Variants in RAD51B observed in about 807,000 individuals in gnomAD.
The protein encoded by RAD51B is DNA repair protein RAD51 homolog 2.
A neutral mutation model predicts 42.2 loss-of-function variants in RAD51B; 38 were observed. The observed-to-expected ratio is 0.90, with a 90% CI of 0.70 to 1.18. The LOEUF (loss-of-function observed/expected upper bound fraction) is 1.18. RAD51B is among the 50% of genes most tolerant of loss of function. RAD51B has a pLI of 0.00. For synonymous variants in RAD51B, 154 were observed against 145.2 expected, an observed-to-expected ratio of 1.06 and a Z score of -0.43; for missense variants, 373 against 400.7, an observed-to-expected ratio of 0.93 and a Z score of 0.59.
At chr14:68,121,392 G>T (rs984960396) in intron 7 of RAD51B, among the ~76,000 whole-genome samples, 3 of 152,110 alleles carry the variant, frequency 2.0e-5, no homozygotes, top group African/African-American at 7.2e-5. Flanking sequence ...TCTAAGAGGC[G>T]TTATTCCTCC....
intron 4 of RAD51B, among the ~76,000 whole-genome samples, chr14:67,847,050 A>G (rs757359098): frequency 3.9e-5 from 6 of 152,090 alleles, no homozygotes; most frequent in South Asian, 2.1e-4. Flanking sequence ...CCCCTTCCTC[A>G]GGAGTCCTTG....
rs73290271 is a variant in RAD51B at position 68,286,484 on chromosome 14, G to T, written c.757-5400G>T. 8.1e-3 allele frequency among the ~76,000 whole-genome samples: 1,230 copies of T among 152,138 alleles called. 15 individuals carry two copies. Among genetic ancestry groups the T allele is most frequent in the African/African-American group, 0.029 (1,191 of 41,488 alleles). ...GCTGACCACAAACTCCCTCTTCTTT[G>T]TCCCCCACCAAAAGTCAGGTAAAAT... On this transcript the variant is annotated intron_variant, in intron 7 of 10. Transcript: ENST00000471583.
At chr14:68,522,919 C>T (rs1046656078) in intron 10 of RAD51B, among the ~76,000 whole-genome samples, 5 of 152,216 alleles carry the variant, frequency 3.3e-5, no homozygotes, top group Admixed American at 1.3e-4. Flanking sequence ...ACAACCTCTG[C>T]ATCAGCTGTG....
chr14:68,558,993 A>C lies in RAD51B; in HGVS notation c.1037-35492A>C, dbSNP rs554451438. Among the ~76,000 whole-genome samples, 4 of 152,014 alleles carry C rather than the reference A, an allele frequency of 2.6e-5. No homozygotes were observed. The East Asian group carries it at 7.7e-4, about 29-fold the overall frequency. On this transcript the variant is annotated intron_variant, in intron 10 of 10. Transcript: ENST00000487270. The stretch of plus-strand genomic sequence containing the variant: ...TAGTGTCATATACACACAAATACCT[A>C]TATATTTACATGTATATATATATAA...
At chr14:68,566,519 C>G (rs1889427534) in intron 10 of RAD51B, among the ~76,000 whole-genome samples, 1 of 152,168 alleles carries the variant, frequency 6.6e-6, no homozygotes, top group Admixed American at 6.6e-5. Flanking sequence ...AAATGGTGAC[C>G]TTGATCCAAC....
chr14:68,589,820 T>C (rs545176180), intron 10 of RAD51B, among the ~76,000 whole-genome samples: 4 of 152,232 alleles, frequency 2.6e-5, no homozygotes, highest in Non-Finnish European at 5.9e-5. Flanking sequence ...ATTTTCTTTC[T>C]AATGGTTACA....
At chr14:67,912,871 A>C (rs2044032487) in intron 7 of RAD51B, among the ~76,000 whole-genome samples, 1 of 151,914 alleles carries the variant, frequency 6.6e-6, no homozygotes, top group Non-Finnish European at 1.5e-5. Flanking sequence ...ATGCCCGGCT[A>C]ATTTTTGTAT....
chr14:68,372,355 T>C (rs1266951905), intron 8 of RAD51B, among the ~76,000 whole-genome samples: 4 of 147,290 alleles, frequency 2.7e-5, no homozygotes, highest in African/African-American at 1.0e-4. Context: ...TCAAAGGAGG[T>C]TTTTTTTTTA....
chr14:68,023,155 T>C (rs1322556908), intron 7 of RAD51B, among the ~76,000 whole-genome samples: 4 of 152,174 alleles, frequency 2.6e-5, no homozygotes, highest in Non-Finnish European at 5.9e-5. Flanking sequence ...TGATTTATAT[T>C]CTTTTGGGTA....
At chr14:68,395,208 C>T (rs980257553) in intron 8 of RAD51B, among the ~76,000 whole-genome samples, 2 of 152,210 alleles carry the variant, frequency 1.3e-5, no homozygotes, top group South Asian at 4.1e-4. Flanking sequence ...CTTTCTACCT[C>T]TCCTCTCTTT....
intron 7 of RAD51B, among the ~76,000 whole-genome samples, chr14:68,029,086 G>C (rs1463584649): frequency 6.6e-6 from 1 of 152,210 alleles, no homozygotes; most frequent in Non-Finnish European, 1.5e-5. Context: ...GAGCTGTTCA[G>C]GGCTGGGAAG....
rs553104535 is a variant in RAD51B, at chr14:68,420,951, G to T, written c.957+9424G>T. Among the ~76,000 whole-genome samples the T allele has an allele frequency of 4.2e-3, 645 of 152,298 alleles. 4 individuals are homozygous for T. Among genetic ancestry groups the T allele is most frequent in the African/African-American group, 0.015 (616 of 41,550 alleles). On this transcript the variant is annotated intron_variant, in intron 9 of 10. Coordinates refer to ENST00000471583, the MANE Select transcript of RAD51B (RefSeq NM_133510.4). ...GAGGCCTTGACTTGGTGATGATTCT[G>T]CTGGGTTGCAATGAATGGTCCTTAT...
intron 4 of RAD51B, among the ~76,000 whole-genome samples, chr14:67,838,887 A>G (rs1464836728): frequency 1.3e-5 from 2 of 151,566 alleles, no homozygotes; most frequent in African/African-American, 4.8e-5. Context: ...TCCTAGCTAA[A>G]ATACTAATTT....
intron 7 of RAD51B, among the ~76,000 whole-genome samples, chr14:68,146,732 C>T (rs1477123286): frequency 3.3e-5 from 5 of 152,034 alleles, no homozygotes; most frequent in Admixed American, 2.6e-4. Context: ...TATAATTTGG[C>T]CCATAATTAT....
At chr14:68,538,651 A>G (rs1887782969) in intron 10 of RAD51B, among the ~76,000 whole-genome samples, 1 of 151,686 alleles carries the variant, frequency 6.6e-6, no homozygotes, top group Admixed American at 6.6e-5. Context: ...TTCTTTTTTA[A>G]CATCTTGAAT....
chr14:68,322,065 G>T (rs182611136), intron 8 of RAD51B, among the ~76,000 whole-genome samples: 2 of 152,130 alleles, frequency 1.3e-5, no homozygotes, highest in African/African-American at 4.8e-5. Flanking sequence ...TAGCCACTGC[G>T]CCCAACACAA....
At position 68,308,988 on chromosome 14, in the gene RAD51B, G is replaced by A. The variant is rs117419767; in HGVS notation, c.853+17008G>A. 2.4e-4 allele frequency among the ~76,000 whole-genome samples: 36 copies of A among 152,230 alleles called. 1 individual carries two copies. In the East Asian group the frequency reaches 6.8e-3, roughly 29 times the overall value. ...TTACAAAACAGAGGGAAAAATCCTCGCTGTCATGTCATAACACCAGTTATT... is the reference window on the plus strand; with the variant it reads ...TTACAAAACAGAGGGAAAAATCCTCACTGTCATGTCATAACACCAGTTATT... On this transcript the variant is annotated intron_variant, in intron 8 of 10. Transcript: ENST00000471583.
At chr14:68,654,856 G>A (rs1338419792) in intron 11 of RAD51B, among the ~76,000 whole-genome samples, 2 of 152,122 alleles carry the variant, frequency 1.3e-5, no homozygotes. Flanking sequence ...GCATCCCACT[G>A]CCGTTCATGC....
intron 9 of RAD51B, among the ~76,000 whole-genome samples, chr14:68,429,794 T>G (rs1186184339): frequency 6.6e-6 from 1 of 150,980 alleles, no homozygotes; most frequent in Non-Finnish European, 1.5e-5. Flanking sequence ...GGCCCTTGCT[T>G]TTGGTTTTTA....
Sources: allele counts gnomAD v4.1 joint callset (sites outside exome capture counted in the v4.1 genomes callset), GRCh38; gene constraint gnomAD v4.1.1; transcripts MANE v1.5; gene names NCBI Gene and HGNC (gene_info 2026-07-23, HGNC 2026-07-21).